GABRB1: variants seen among roughly 807,000 people sequenced by gnomAD.
The protein encoded by GABRB1 is gamma-aminobutyric acid type A receptor subunit beta1, also known as gamma-aminobutyric acid receptor subunit beta-1.
Under a neutral mutation model 51.6 loss-of-function variants are expected in GABRB1, and 17 were observed. That is an observed-to-expected ratio of 0.33 (90% CI 0.23 to 0.49). The LOEUF (loss-of-function observed/expected upper bound fraction) is 0.49, where lower values mean the gene tolerates loss of function less well. Ranked by LOEUF, GABRB1 falls within the 20% of genes least tolerant of loss-of-function variation. The probability of loss-of-function intolerance (pLI) is 0.99; values close to 1 mark genes in which losing one functional copy is unlikely to be tolerated. For missense variants in GABRB1, 410 were observed against 600.6 expected, an observed-to-expected ratio of 0.68 and a Z score of 3.32; for synonymous variants, 247 against 218.9, an observed-to-expected ratio of 1.13 and a Z score of -1.14.
Position 47,238,260 on chromosome 4 carries a change from G to A in GABRB1, c.461+76791G>A, listed in dbSNP as rs556296876. On this transcript the variant is annotated intron_variant, in intron 4 of 8. Coordinates refer to ENST00000295454, the MANE Select transcript of GABRB1 (RefSeq NM_000812.4). ...ATAAGCTGTCAGTATTCAAAATACA[G>A]AGAAAACTGTGATTAACATGTATGA... Among the ~76,000 whole-genome samples, 8 of 152,106 alleles carry A rather than the reference G, an allele frequency of 5.3e-5. No homozygotes were observed. The South Asian group carries it at 1.7e-3, about 32-fold the overall frequency.
chr4:47,420,605 A>G (rs1268115153), intron 8 of GABRB1, among the ~76,000 whole-genome samples: 1 of 152,202 alleles, frequency 6.6e-6, no homozygotes, highest in Non-Finnish European at 1.5e-5. Flanking sequence ...ATTAGGCAGC[A>G]TTTGGCCACT....
At chr4:47,023,247 A>T (rs1724978798) in intron 1 of GABRB1, among the ~76,000 whole-genome samples, 1 of 151,970 alleles carries the variant, frequency 6.6e-6, no homozygotes, top group Non-Finnish European at 1.5e-5. Flanking sequence ...AAATGATGAG[A>T]CTTACTATTT....
chr4:47,244,343 T>C (rs1721656945), intron 4 of GABRB1, among the ~76,000 whole-genome samples: 1 of 152,166 alleles, frequency 6.6e-6, no homozygotes, highest in African/African-American at 2.4e-5. Context: ...TCTAAAATTC[T>C]CTTTTTTTGT....
chr4:47,048,085 G>A (rs1480139966), intron 3 of GABRB1, among the ~76,000 whole-genome samples: 1 of 152,122 alleles, frequency 6.6e-6, no homozygotes, highest in Non-Finnish European at 1.5e-5. Context: ...CATCTTTCCT[G>A]ATGGAAAATT....
intron 1 of GABRB1, among the ~76,000 whole-genome samples, chr4:47,014,307 C>G (rs573135008): frequency 5.6e-4 from 86 of 152,280 alleles, no homozygotes; most frequent in African/African-American, 2.0e-3. Context: ...CAAACACTTG[C>G]AGCTAGCTAT....
chr4:47,383,435 T>A (rs908931194), intron 5 of GABRB1, among the ~76,000 whole-genome samples: 1 of 152,112 alleles, frequency 6.6e-6, no homozygotes, highest in African/African-American at 2.4e-5. Context: ...TCTCAATAAG[T>A]ATCATCTGAG....
At chr4:47,393,664 A>G (rs1326639166) in intron 5 of GABRB1, among the ~76,000 whole-genome samples, 1 of 152,228 alleles carries the variant, frequency 6.6e-6, no homozygotes, top group Non-Finnish European at 1.5e-5. Context: ...CATTGACATC[A>G]TCCAACCTTT....
intron 4 of GABRB1, among the ~76,000 whole-genome samples, chr4:47,274,506 G>A (rs1331008676): frequency 6.6e-6 from 1 of 152,100 alleles, no homozygotes; most frequent in Non-Finnish European, 1.5e-5. Context: ...CTATCTATGA[G>A]CTATTGGACA....
rs1471788158 is a variant in GABRB1, at chr4:47,426,018, AG to A, written c.*2del. The A allele has an allele frequency of 6.4e-7, 1 of 1,574,624 alleles. No individual in the cohort carries two copies. Among genetic ancestry groups the A allele is most frequent in the Non-Finnish European group, 8.6e-7 (1 of 1,157,880 alleles). ...TCTATTGGCTTTACTATGTACACTG[AG>A]GTCTGTTCTAATGGTTCCATTTAGA... is the stretch of plus-strand genomic sequence containing the variant. On this transcript the variant is annotated 3_prime_UTR_variant, in exon 9 of 9. Coordinates refer to ENST00000295454, the MANE Select transcript of GABRB1 (RefSeq NM_000812.4).
chr4:47,049,486 G>T (rs183225664), intron 3 of GABRB1, among the ~76,000 whole-genome samples: 87 of 152,228 alleles, frequency 5.7e-4, no homozygotes, highest in African/African-American at 1.7e-3. Context: ...CACTGAGAGA[G>T]AAATCAAATA....
At chr4:47,391,556 C>A (rs939942210) in intron 5 of GABRB1, among the ~76,000 whole-genome samples, 8 of 152,152 alleles carry the variant, frequency 5.3e-5, no homozygotes, top group African/African-American at 1.9e-4. Context: ...ATTCAAAGAC[C>A]AGCTTGAGGT....
At chr4:47,124,573 A>G (rs979574798) in intron 3 of GABRB1, among the ~76,000 whole-genome samples, 2 of 152,238 alleles carry the variant, frequency 1.3e-5, no homozygotes, top group African/African-American at 4.8e-5. Context: ...TGCTTCAAGG[A>G]TTCTCAGTGC....
At chr4:47,104,276 A>T (rs1465300998) in intron 3 of GABRB1, among the ~76,000 whole-genome samples, 1 of 151,596 alleles carries the variant, frequency 6.6e-6, no homozygotes, top group Admixed American at 6.6e-5. Context: ...CCTCATCTCT[A>T]TTCTTCTGAA....
intron 3 of GABRB1, among the ~76,000 whole-genome samples, chr4:47,052,564 C>A (rs533389781): frequency 2.6e-4 from 40 of 152,310 alleles, no homozygotes; most frequent in Non-Finnish European, 5.0e-4. Context: ...CCACAGTGTG[C>A]CTTAAGACCC....
chr4:47,051,386 G>A (rs187787436), intron 3 of GABRB1, among the ~76,000 whole-genome samples: 1 of 152,260 alleles, frequency 6.6e-6, no homozygotes, highest in Admixed American at 6.5e-5. Flanking sequence ...GCAGATTGGA[G>A]ACAAATAAAA....
intron 5 of GABRB1, among the ~76,000 whole-genome samples, chr4:47,354,132 A>G (rs139682027): frequency 1.7e-3 from 261 of 152,256 alleles, no homozygotes; most frequent in African/African-American, 6.1e-3. Context: ...TTCTCTCATA[A>G]TCCAGCAATT....
intron 5 of GABRB1, among the ~76,000 whole-genome samples, chr4:47,356,884 A>G (rs1726600554): frequency 6.6e-6 from 1 of 152,216 alleles, no homozygotes; most frequent in Admixed American, 6.5e-5. Context: ...TGATTACAGT[A>G]GGTCCTATAT....
chr4:47,056,547 T>C (rs1350752301), intron 3 of GABRB1, among the ~76,000 whole-genome samples: 1 of 152,000 alleles, frequency 6.6e-6, no homozygotes, highest in East Asian at 1.9e-4. Context: ...AAGTCAAACA[T>C]GAGTGAGAAG....
chr4:47,055,234 G>A (rs1437226938), intron 3 of GABRB1, among the ~76,000 whole-genome samples: 6 of 152,222 alleles, frequency 3.9e-5, no homozygotes, highest in Non-Finnish European at 7.3e-5. Flanking sequence ...CTAGATGCAT[G>A]TGTAGCATAG....
Sources: gnomAD v4.1 joint callset for allele counts (sites outside exome capture counted in the v4.1 genomes callset) on GRCh38, gnomAD v4.1.1 for gene constraint, MANE v1.5 for transcripts, NCBI Gene and HGNC (gene_info 2026-07-23, HGNC 2026-07-21) for gene names.